Variants in TRIM69 observed in about 807,000 individuals in gnomAD.
The protein encoded by TRIM69 is tripartite motif containing 69.
Under a neutral mutation model 37.7 loss-of-function variants are expected in TRIM69, and 29 were observed. The ratio of observed to expected loss-of-function variants is 0.77; its 90% confidence interval spans 0.57 to 1.05. The LOEUF is 1.05. TRIM69 is among the 50% of genes least tolerant of loss of function. The probability of loss-of-function intolerance (pLI) is 0.00; values close to 1 mark genes in which losing one functional copy is unlikely to be tolerated. For synonymous variants in TRIM69, 209 were observed against 212.4 expected (o/e 0.98, Z 0.14); for missense variants, 596 against 579.9 (o/e 1.03, Z -0.28).
At chr15:44,756,219 A>G (rs7182487) in intron 2 of TRIM69, 149 bp from the exon 3 acceptor site, 64,428 of 580,512 alleles carry the variant, frequency 0.11, 4,227 homozygotes, top group African/African-American at 0.22. Flanking sequence ...CAATTCTTGA[A>G]CGAGACAAGA....
chr15:44,750,715 C>CTTTTTTTT lies in TRIM69; in HGVS notation c.7-4165_7-4158dup, dbSNP rs869059418. ...TCGCATTTTTATTTCATTACTTTTT[C>CTTTTTTTT]TTTTTTTTTTTTTTTTTTTTTTTTT... On this transcript the variant is annotated intron_variant, in intron 1 of 6. Transcript: ENST00000329464. Among the ~76,000 whole-genome samples the CTTTTTTTT allele has an allele frequency of 3.8e-4, 39 of 102,840 alleles. 14 individuals are homozygous for CTTTTTTTT. The highest frequency in any genetic ancestry group is 1.2e-3 in the African/African-American group (31 of 25,904). 67.5% of individuals were successfully genotyped at this position (102,840 alleles called of 152,430 possible).
chr15:44,736,987 A>G (rs2087176054), intron 1 of TRIM69, among the ~76,000 whole-genome samples: 1 of 152,218 alleles, frequency 6.6e-6, no homozygotes, highest in African/African-American at 2.4e-5. Flanking sequence ...TTATCAATGT[A>G]ATCATTTTAT....
Position 44,767,217 on chromosome 15 carries a change from TA to T in TRIM69, c.962-13del. The T allele has an allele frequency of 6.2e-7, 1 of 1,600,648 alleles. No homozygotes were observed. The highest frequency in any genetic ancestry group is 8.5e-7 in the Non-Finnish European group (1 of 1,173,720). ...CTTTCTCCCATGCTCTGCTTTCTTT[TA>T]TTTTCTTACTAGGCCTGTCTCCACT... On this transcript the variant is annotated splice_polypyrimidine_tract_variant and intron_variant, in intron 6 of 6. Transcript: ENST00000329464.
At position 44,767,300 on chromosome 15, in the gene TRIM69, G is replaced by C; in HGVS notation, c.1031G>C (p.Ser344Thr). The stretch of plus-strand genomic sequence containing the variant: ...CTGGTGCTCTCCAAAAGCCAAACCA[G>C]CGTCTGGCATGGTGACATTAAGAAG... ...PNLVLSKSQT[S>T]VWHGDIKKIM... Residue 344 changes from serine (S) to threonine (T), a missense_variant, in exon 7 of 7, where the codon AGC (serine) becomes ACC (threonine). Physicochemically the swap from Ser to Thr is moderately conservative, Grantham distance 58. Coordinates refer to ENST00000329464, the MANE Select transcript of TRIM69 (RefSeq NM_182985.5). 1 of 1,614,002 alleles carries C rather than the reference G, an allele frequency of 6.2e-7. No individual in the cohort carries two copies.
At chr15:44,759,463 T>C (rs868369374) in intron 4 of TRIM69, among the ~76,000 whole-genome samples, 177 bp from the exon 5 acceptor site, 8 of 152,230 alleles carry the variant, frequency 5.3e-5, no homozygotes, top group Non-Finnish European at 1.2e-4. Flanking sequence ...AAAAGATCAA[T>C]TTAACCTGGG....
rs1566896556 is a variant in TRIM69, at chr15:44,756,367, G to A, written c.484-1G>A. The stretch of plus-strand genomic sequence containing the variant: ...GGGTTAATTCTATTTGATATTCCCA[G>A]GAGGAGCTTGCCATCCAACAGGGTC... On this transcript the variant is annotated splice_acceptor_variant, in intron 2 of 6. Coordinates refer to ENST00000329464, the MANE Select transcript of TRIM69 (RefSeq NM_182985.5). LOFTEE classifies it high-confidence loss of function. 5.8e-6 allele frequency: 9 copies of A among 1,547,654 alleles called. No homozygotes were observed. The highest frequency in any genetic ancestry group is 7.9e-6 in the Non-Finnish European group (9 of 1,144,142).
rs2087206315 is a variant in TRIM69, at chr15:44,738,237, T to TC, written c.6+1527_6+1528insC. Among the ~76,000 whole-genome samples, 8 of 110,956 alleles carry TC rather than the reference T, an allele frequency of 7.2e-5. No individual in the cohort carries two copies. The South Asian group carries it at 2.3e-3, about 32-fold the overall frequency. The allele number at this position is 110,956 out of a possible 152,430, so 72.8% of individuals were successfully genotyped here. A position where few individuals can be genotyped will look rare whatever the true frequency, so the allele number is the denominator to read the frequency against. ...CCACGCCTGGCTAATTTTTGTATTA[T>TC]TATTTTTTTTTTTAGTAGAGATGAG... is the stretch of plus-strand genomic sequence containing the variant. On this transcript the variant is annotated intron_variant, in intron 1 of 6. Coordinates refer to ENST00000329464, the MANE Select transcript of TRIM69 (RefSeq NM_182985.5).
intron 1 of TRIM69, among the ~76,000 whole-genome samples, chr15:44,744,670 T>C (rs12902836): frequency 0.11 from 16,297 of 152,128 alleles, 1,035 homozygotes; most frequent in Middle Eastern, 0.26. Flanking sequence ...TCATTTCCCA[T>C]CTTGGTGGTG....
In TRIM69 at chr15:44,755,067, C is replaced by T; in HGVS notation, c.174C>T (p.His58=). 6.2e-7 allele frequency: 1 copy of T among 1,614,200 alleles called. No individual in the cohort carries two copies. Among genetic ancestry groups the T allele is most frequent in the East Asian group, 2.2e-5 (1 of 44,884 alleles). Reference sequence around the variant, plus strand: ...ACCCACTGATGCTAAGCTGTGGCCACAACTTCTGTGAAGCCTGTATCCAAG... The same window carrying T: ...ACCCACTGATGCTAAGCTGTGGCCATAACTTCTGTGAAGCCTGTATCCAAG... The part of the protein sequence containing the change: ...FRDPLMLSCG[H]NFCEACIQDF... The change falls in exon 2 of 7, where the codon CAC becomes CAT. Residue 58 remains histidine, a synonymous_variant. Transcript: ENST00000329464.
intron 1 of TRIM69, among the ~76,000 whole-genome samples, chr15:44,741,407 C>G (rs2087282726): frequency 6.6e-6 from 1 of 151,936 alleles, no homozygotes; most frequent in African/African-American, 2.4e-5. Flanking sequence ...ATTAAAAGAA[C>G]TAGAAAAGCA....
At chr15:44,741,922 A>G (rs1055316865) in intron 1 of TRIM69, among the ~76,000 whole-genome samples, 3 of 152,260 alleles carry the variant, frequency 2.0e-5, no homozygotes, top group African/African-American at 7.2e-5. Context: ...TTCTGAAGCT[A>G]TTCCAATCAA....
chr15:44,765,096 T>G (rs76796910), intron 6 of TRIM69, among the ~76,000 whole-genome samples: 2 of 152,300 alleles, frequency 1.3e-5, no homozygotes, highest in African/African-American at 4.8e-5. Context: ...AGTAAAAAGC[T>G]ATTGCAGTAG....
At chr15:44,751,106 C>A (rs1254916992) in intron 1 of TRIM69, among the ~76,000 whole-genome samples, 1 of 150,730 alleles carries the variant, frequency 6.6e-6, no homozygotes, top group African/African-American at 2.4e-5. Context: ...CAGGTGCATG[C>A]ACCACACCTA....
intron 1 of TRIM69, among the ~76,000 whole-genome samples, chr15:44,748,825 CAAAAAAA>C (rs375092348): frequency 0.77 from 88,529 of 114,864 alleles, 33,642 homozygotes; most frequent in Middle Eastern, 0.83. Flanking sequence ...GACTTTGTCT[CAAAAAAA>C]AAAAAAAAAA....
intron 1 of TRIM69, among the ~76,000 whole-genome samples, chr15:44,744,109 T>C (rs892094390): frequency 6.6e-6 from 1 of 151,662 alleles, no homozygotes; most frequent in Non-Finnish European, 1.5e-5. Context: ...ATATACACCA[T>C]GGAATACTAT....
intron 1 of TRIM69, among the ~76,000 whole-genome samples, chr15:44,739,059 T>C (rs1041578985): frequency 3.9e-5 from 6 of 152,186 alleles, no homozygotes; most frequent in African/African-American, 1.4e-4. Flanking sequence ...CCTTTTGAAG[T>C]TTACAATTCA....
intron 4 of TRIM69, among the ~76,000 whole-genome samples, chr15:44,759,239 T>G (rs562528718): frequency 6.6e-6 from 1 of 152,372 alleles, no homozygotes; most frequent in South Asian, 2.1e-4. Flanking sequence ...TAACCTTTGC[T>G]TTCTTAAGCT....
chr15:44,767,053 CAAA>C (rs55736812), intron 6 of TRIM69, among the ~76,000 whole-genome samples, 175 bp from the exon 7 acceptor site: 1,502 of 23,878 alleles, frequency 0.063, no homozygotes, highest in African/African-American at 0.1. Context: ...TTGTCTGCCT[CAAA>C]AAAAAAAAAA....
At chr15:44,758,569 C>T in intron 3 of TRIM69, 52 bp from the exon 4 acceptor site, 1 of 1,600,492 alleles carries the variant, frequency 6.2e-7, no homozygotes, top group Non-Finnish European at 8.5e-7. Context: ...GGCCCCCATC[C>T]CCAAGCACTA....
Sources: allele counts gnomAD v4.1 joint callset (sites outside exome capture counted in the v4.1 genomes callset), GRCh38; gene constraint gnomAD v4.1.1; transcripts MANE v1.5; gene names NCBI Gene and HGNC (gene_info 2026-07-23, HGNC 2026-07-21).